Variants in IHO1 observed in about 807,000 individuals in gnomAD.
The protein encoded by IHO1 is interactor of HORMAD1 protein 1.
A neutral mutation model predicts 31.0 loss-of-function variants in IHO1; 13 were observed. The ratio of observed to expected loss-of-function variants is 0.42; its 90% CI spans 0.27 to 0.67. The LOEUF is 0.67. Among genes scored for constraint, IHO1 ranks in the 30% least tolerant of loss-of-function variants. IHO1 has a pLI of 0.24. For missense variants in IHO1, 599 were observed against 687.5 expected (o/e 0.87, Z 1.44); for synonymous variants, 221 against 248.4 (o/e 0.89, Z 1.04).
chr3:49,244,914 C>G, intron 6 of IHO1, 181 bp downstream of exon 6: 1 of 665,542 alleles, frequency 1.5e-6, no homozygotes, highest in Non-Finnish European at 2.7e-6. Context: ...TGAGGCCCAC[C>G]TCTATGTGAC....
At chr3:49,253,143 C>T (rs1423415907) in intron 6 of IHO1, among the ~76,000 whole-genome samples, 1 of 151,922 alleles carries the variant, frequency 6.6e-6, no homozygotes, top group Non-Finnish European at 1.5e-5. Context: ...GTGTATATTT[C>T]GGCCAGGCAT....
At chr3:49,192,340 C>T in the IHO1 span, among the ~76,000 whole-genome samples, 1 of 152,152 alleles carries the variant, frequency 6.6e-6, no homozygotes, top group East Asian at 1.9e-4. Context: ...GAAGAAGGAA[C>T]ATGCAAAGAT....
intron 1 of IHO1, chr3:49,200,602 C>T (rs1409595176): frequency 4.1e-6 from 4 of 983,752 alleles, no homozygotes; most frequent in African/African-American, 1.7e-5. Flanking sequence ...CTCCCCCTCA[C>T]GTGTTCCTCC....
intron 3 of IHO1, among the ~76,000 whole-genome samples, chr3:49,240,316 T>C (rs775166801): frequency 3.0e-4 from 46 of 152,048 alleles, no homozygotes; most frequent in Non-Finnish European, 5.3e-4. Context: ...CTCCTCCTTC[T>C]GTGTTAAAGC....
chr3:49,198,760 T>A (rs2046018677), upstream of IHO1: 1 of 152,390 alleles, frequency 6.6e-6, no homozygotes, highest in Admixed American at 6.5e-5. Flanking sequence ...CTAAGTCATC[T>A]ATAAGCACCA....
At chr3:49,195,896 T>TA (rs568119042), upstream of IHO1, among the ~76,000 whole-genome samples, 42 of 145,414 alleles carry the variant, frequency 2.9e-4, no homozygotes, top group South Asian at 8.9e-3. Context: ...GGTCAGGAGA[T>TA]GAGACCATCC....
At chr3:49,191,659 C>A in the IHO1 span, 7 of 1,464,056 alleles carry the variant, frequency 4.8e-6, no homozygotes, top group African/African-American at 5.5e-5. Flanking sequence ...AAATGAAAAC[C>A]TTTTCACTTC....
chr3:49,234,162 G>GTTGTTTTTTTTTTTTT (rs1559447087), intron 2 of IHO1, among the ~76,000 whole-genome samples: 1 of 91,916 alleles, frequency 1.1e-5, no homozygotes, highest in African/African-American at 4.3e-5. Flanking sequence ...TTTTGTTGTT[G>GTTGTTTTTTTTTTTTT]TTTTTTTTTT....
chr3:49,251,637 T>C (rs182915476), intron 6 of IHO1, among the ~76,000 whole-genome samples: 1 of 149,316 alleles, frequency 6.7e-6, no homozygotes, highest in Non-Finnish European at 1.5e-5. Flanking sequence ...GTTTTGCTTT[T>C]GTTGCCCAGG....
chr3:49,209,230 G>A lies in IHO1; in HGVS notation c.-15-2536G>A, dbSNP rs180961881. On this transcript the variant is annotated intron_variant, in intron 1 of 7. Transcript: ENST00000452691. The stretch of plus-strand genomic sequence containing the variant: ...ATTAAGGGGGGAGTTTGGTCATGTA[G>A]ACTGAGAGAGACTACCTTTTTTACC... Among the ~76,000 whole-genome samples the A allele has an allele frequency of 1.7e-3, 263 of 152,340 alleles. 1 individual carries two copies. Among genetic ancestry groups the A allele is most frequent in the Admixed American group, 7.8e-3 (120 of 15,308 alleles).
intron 1 of IHO1, among the ~76,000 whole-genome samples, chr3:49,209,398 G>A (rs2046180072): frequency 6.6e-6 from 1 of 152,098 alleles, no homozygotes; most frequent in Non-Finnish European, 1.5e-5. Flanking sequence ...ACTTTGGGAG[G>A]CCAAGGCAGG....
At position 49,244,429 on chromosome 3, in the gene IHO1, A is replaced by G; in HGVS notation, c.421A>G (p.Asn141Asp). 2 of 1,558,978 alleles carry G rather than the reference A, an allele frequency of 1.3e-6. No individual in the cohort carries two copies. ...TGAGACTCTATACAACTTTGTTTCTAATGTTAGAGAAAGCATTCTCAGGGT... is the reference window on the plus strand; with the variant it reads ...TGAGACTCTATACAACTTTGTTTCTGATGTTAGAGAAAGCATTCTCAGGGT... ...DSETLYNFVS[N>D]VRESILRLQT... Residue 141 changes from asparagine to aspartate, a missense_variant, in exon 5 of 8, where the codon AAT becomes GAT. Physicochemically the swap from Asn to Asp is conservative, Grantham distance 23. Coordinates refer to ENST00000452691, the MANE Select transcript of IHO1 (RefSeq NM_001135197.2).
At chr3:49,200,000 C>A (rs951345385) in intron 1 of IHO1, 3 of 152,180 alleles carry the variant, frequency 2.0e-5, no homozygotes, top group African/African-American at 4.8e-5. Flanking sequence ...GAGCTCAGAG[C>A]GTGTCTCCAG....
At chr3:49,249,560 G>A (rs1212751650) in intron 6 of IHO1, among the ~76,000 whole-genome samples, 1 of 152,030 alleles carries the variant, frequency 6.6e-6, no homozygotes, top group African/African-American at 2.4e-5. Context: ...AAGCCACCAC[G>A]CCCGGCCATG....
At chr3:49,197,104 C>T (rs1374873797), upstream of IHO1, among the ~76,000 whole-genome samples, 1 of 151,310 alleles carries the variant, frequency 6.6e-6, no homozygotes, top group Non-Finnish European at 1.5e-5. Context: ...CCTCAGCCTC[C>T]CGAGTAGCTG....
chr3:49,245,362 AT>A, intron 6 of IHO1: 1 of 152,810 alleles, frequency 6.5e-6, no homozygotes, highest in Non-Finnish European at 1.5e-5. Context: ...AATTTTTAAA[AT>A]TTTTAGTAGA....
intron 2 of IHO1, among the ~76,000 whole-genome samples, chr3:49,216,414 G>A (rs56275140): frequency 0.017 from 2,547 of 152,240 alleles, 33 homozygotes; most frequent in Non-Finnish European, 0.026. Context: ...CCAACATGGC[G>A]AAACCTTGTC....
chr3:49,199,553 G>A lies in IHO1; in HGVS notation c.-36G>A, dbSNP rs539518591. On this transcript the variant is annotated 5_prime_UTR_variant, in exon 1 of 8. Coordinates refer to ENST00000452691, the MANE Select transcript of IHO1 (RefSeq NM_001135197.2). ...GCCACGTCAGGGCAGCCCCAGGTCG[G>A]GCGCGTGCCAGCAGCCAGAGGTGGG... 2.0e-5 allele frequency: 3 copies of A among 152,024 alleles called. No homozygotes were observed. Among genetic ancestry groups the A allele is most frequent in the Non-Finnish European group, 4.4e-5 (3 of 68,058 alleles). The allele number at this position is 152,024 out of a possible 1,614,324, so 9.4% of individuals were successfully genotyped here. A position where few individuals can be genotyped will look rare whatever the true frequency, so the allele number is the denominator to read the frequency against.
intron 1 of IHO1, among the ~76,000 whole-genome samples, chr3:49,200,996 GT>G (rs1321693443): frequency 1.5e-5 from 1 of 68,118 alleles, no homozygotes; most frequent in Non-Finnish European, 3.1e-5. Flanking sequence ...ACTTACCACA[GT>G]TTTTTGTTTT....
Sources: gnomAD v4.1 joint callset for allele counts (sites outside exome capture counted in the v4.1 genomes callset) on GRCh38, gnomAD v4.1.1 for gene constraint, MANE v1.5 for transcripts, NCBI Gene and HGNC (gene_info 2026-07-23, HGNC 2026-07-21) for gene names.